The following IGSF11 variants were observed in gnomAD, a reference collection of about 807,000 sequenced individuals.
IGSF11 encodes CXADR like 1.
A neutral mutation model predicts 41.0 loss-of-function variants in IGSF11; 22 were observed. The ratio of observed to expected loss-of-function variants is 0.54; its 90% CI spans 0.38 to 0.77. The LOEUF is 0.77. IGSF11 is among the 30% of genes least tolerant of loss of function. The pLI, the probability that IGSF11 is intolerant of heterozygous loss-of-function variation, is 0.00. For missense variants in IGSF11, 444 were observed against 530.8 expected, an observed-to-expected ratio of 0.84 and a Z score of 1.61; for synonymous variants, 219 against 201.3, an observed-to-expected ratio of 1.09 and a Z score of -0.74.
At chr3:118,943,340 G>A (rs1221603291) in intron 1 of IGSF11, among the ~76,000 whole-genome samples, 1 of 152,200 alleles carries the variant, frequency 6.6e-6, no homozygotes, top group Non-Finnish European at 1.5e-5. Flanking sequence ...TAGAAATGAT[G>A]AGTAAAGTTT....
At chr3:118,971,817 A>AAG (rs1324653512) in intron 1 of IGSF11, among the ~76,000 whole-genome samples, 3 of 151,648 alleles carry the variant, frequency 2.0e-5, no homozygotes, top group East Asian at 1.9e-4. Context: ...AAAAAAAAAA[A>AAG]AAGAAGAAAC....
chr3:118,923,518 C>G (rs578177305), intron 4 of IGSF11, among the ~76,000 whole-genome samples: 1 of 152,234 alleles, frequency 6.6e-6, no homozygotes, highest in East Asian at 1.9e-4. Flanking sequence ...CAACCATGTC[C>G]TTTATAGCTA....
chr3:119,099,583 T>C (rs2107504172), intron 1 of IGSF11, among the ~76,000 whole-genome samples: 1 of 152,270 alleles, frequency 6.6e-6, no homozygotes, highest in South Asian at 2.1e-4. Context: ...AAAGGTAAAC[T>C]ACTACACATG....
chr3:119,034,308 T>C (rs932594274), intron 1 of IGSF11, among the ~76,000 whole-genome samples: 2 of 152,082 alleles, frequency 1.3e-5, no homozygotes, highest in African/African-American at 4.8e-5. Context: ...CGGACGAGTT[T>C]AGTTACCTCT....
chr3:118,939,113 G>A (rs1221891496), intron 1 of IGSF11, among the ~76,000 whole-genome samples: 1 of 152,094 alleles, frequency 6.6e-6, no homozygotes, highest in East Asian at 1.9e-4. Context: ...TAACACCATA[G>A]AATATATATT....
chr3:118,959,770 C>T (rs1042444227), intron 1 of IGSF11, among the ~76,000 whole-genome samples: 4 of 152,030 alleles, frequency 2.6e-5, no homozygotes, highest in Non-Finnish European at 1.5e-5. Context: ...AAATGTGGGC[C>T]GGGCGCAGTA....
At chr3:119,101,208 T>A (rs77268704) in intron 1 of IGSF11, among the ~76,000 whole-genome samples, 157 of 152,316 alleles carry the variant, frequency 1.0e-3, no homozygotes, top group African/African-American at 3.6e-3. Context: ...CTAAAAAATG[T>A]TATTTTAAAA....
intron 1 of IGSF11, among the ~76,000 whole-genome samples, chr3:118,945,313 A>G (rs1183762456): frequency 6.6e-6 from 1 of 152,232 alleles, no homozygotes; most frequent in Non-Finnish European, 1.5e-5. Flanking sequence ...TCTTATTTTG[A>G]CAGAGACCTA....
At chr3:119,023,372 T>TA (rs1005854890) in intron 1 of IGSF11, among the ~76,000 whole-genome samples, 27 of 150,362 alleles carry the variant, frequency 1.8e-4, no homozygotes, top group African/African-American at 4.4e-4. Flanking sequence ...TTCAAGATGT[T>TA]AAAAAAAATA....
At chr3:119,021,578 C>A (rs992640412) in intron 1 of IGSF11, among the ~76,000 whole-genome samples, 1 of 151,996 alleles carries the variant, frequency 6.6e-6, no homozygotes, top group African/African-American at 2.4e-5. Flanking sequence ...AAGTGTAAGA[C>A]CACATCTTAT....
chr3:119,002,333 T>C (rs939423150), intron 1 of IGSF11, among the ~76,000 whole-genome samples: 6 of 151,302 alleles, frequency 4.0e-5, no homozygotes, highest in South Asian at 2.1e-4. Flanking sequence ...GTTTTTTTCT[T>C]GTAAATTTGT....
chr3:119,012,316 A>G (rs1398392742), intron 1 of IGSF11, among the ~76,000 whole-genome samples: 5 of 152,328 alleles, frequency 3.3e-5, no homozygotes, highest in Middle Eastern at 3.4e-3. Flanking sequence ...AGAATTATTC[A>G]TTATGGTATT....
At chr3:118,903,694 T>A (rs1265253425) in intron 6 of IGSF11, among the ~76,000 whole-genome samples, 6 of 152,190 alleles carry the variant, frequency 3.9e-5, no homozygotes, top group Non-Finnish European at 7.3e-5. Context: ...TCATTTAACA[T>A]TTATTGGGTA....
At chr3:118,999,129 A>G (rs1384034280) in intron 1 of IGSF11, among the ~76,000 whole-genome samples, 2 of 152,072 alleles carry the variant, frequency 1.3e-5, no homozygotes, top group African/African-American at 4.8e-5. Context: ...ATCTGACAAT[A>G]CTAATGCCCT....
intron 1 of IGSF11, among the ~76,000 whole-genome samples, chr3:119,001,287 T>A (rs1002780102): frequency 6.6e-6 from 1 of 151,312 alleles, no homozygotes; most frequent in East Asian, 1.9e-4. Flanking sequence ...ATAATTTACT[T>A]ACTTATATTT....
At chr3:118,930,955 C>T (rs1942797386) in intron 1 of IGSF11, among the ~76,000 whole-genome samples, 2 of 152,168 alleles carry the variant, frequency 1.3e-5, no homozygotes, top group Non-Finnish European at 2.9e-5. Context: ...GAAGAATTCA[C>T]ACTACCCAAT....
chr3:119,045,783 G>T (rs1027958567), intron 1 of IGSF11, among the ~76,000 whole-genome samples: 2 of 151,778 alleles, frequency 1.3e-5, no homozygotes, highest in African/African-American at 2.4e-5. Flanking sequence ...CTCCCAGCAC[G>T]CAGCTGGAGA....
At chr3:118,988,283 A>T (rs1455038126) in intron 1 of IGSF11, among the ~76,000 whole-genome samples, 1 of 152,220 alleles carries the variant, frequency 6.6e-6, no homozygotes, top group Non-Finnish European at 1.5e-5. Context: ...CAAGCAAAGC[A>T]AGCAAATGTC....
At chr3:119,085,656 A>G (rs2076659042) in intron 1 of IGSF11, among the ~76,000 whole-genome samples, 1 of 152,252 alleles carries the variant, frequency 6.6e-6, no homozygotes, top group Non-Finnish European at 1.5e-5. Flanking sequence ...AATAAAAATG[A>G]TTCAAGAGCT....
Sources: gnomAD v4.1 joint callset for allele counts (sites outside exome capture counted in the v4.1 genomes callset) on GRCh38, gnomAD v4.1.1 for gene constraint, MANE v1.5 for transcripts, NCBI Gene and HGNC (gene_info 2026-07-23, HGNC 2026-07-21) for gene names.